Variants in CTNNA2 observed in about 807,000 individuals in gnomAD.
The protein encoded by CTNNA2 is catenin alpha 2, also known as catenin alpha-2.
CTNNA2 carries 42 observed loss-of-function variants against 101.0 expected under a neutral mutation model. The observed-to-expected ratio is 0.42, with a 90% CI of 0.32 to 0.54. The LOEUF (loss-of-function observed/expected upper bound fraction) is 0.54, where lower values mean the gene tolerates loss of function less well. Ranked by LOEUF, CTNNA2 falls within the 20% of genes least tolerant of loss-of-function variation. The probability of loss-of-function intolerance (pLI) is 0.14; values close to 1 mark genes in which losing one functional copy is unlikely to be tolerated. For synonymous variants in CTNNA2, 450 were observed against 456.4 expected (o/e 0.99, Z 0.18); for missense variants, 871 against 1,223.1 (o/e 0.71, Z 4.29).
At chr2:80,120,524 G>C (rs1010655254) in intron 7 of CTNNA2, among the ~76,000 whole-genome samples, 1 of 152,168 alleles carries the variant, frequency 6.6e-6, no homozygotes, top group South Asian at 2.1e-4. Context: ...AGTTGCATGG[G>C]GATCAGGTGG....
chr2:80,115,536 T>G (rs1449261598), intron 7 of CTNNA2, among the ~76,000 whole-genome samples: 3 of 152,144 alleles, frequency 2.0e-5, no homozygotes, highest in Non-Finnish European at 4.4e-5. Flanking sequence ...AATATCAAAA[T>G]TAATTGTGCC....
intron 3 of CTNNA2, among the ~76,000 whole-genome samples, chr2:79,784,523 TA>T (rs1352092228): frequency 6.6e-6 from 1 of 150,818 alleles, no homozygotes; most frequent in African/African-American, 2.4e-5. Flanking sequence ...ATATCAAACT[TA>T]AGAAGTTCAA....
intron 7 of CTNNA2, among the ~76,000 whole-genome samples, chr2:80,335,463 C>A (rs1489728290): frequency 6.6e-6 from 1 of 152,116 alleles, no homozygotes; most frequent in Non-Finnish European, 1.5e-5. Flanking sequence ...TGGGGTCAGA[C>A]CACAGGGCTG....
chr2:79,594,989 A>G (rs1323396347), intron 1 of CTNNA2, among the ~76,000 whole-genome samples: 1 of 151,868 alleles, frequency 6.6e-6, no homozygotes, highest in Admixed American at 6.6e-5. Context: ...GTTTCCCCCA[A>G]GGTGCACTAC....
intron 7 of CTNNA2, 55 bp downstream of exon 7, chr2:79,909,852 G>T (rs1574287897): frequency 1.3e-6 from 2 of 1,508,282 alleles, no homozygotes; most frequent in East Asian, 4.6e-5. Context: ...CTGCAATCGT[G>T]TTGCTCTTTT....
intron 3 of CTNNA2, among the ~76,000 whole-genome samples, chr2:79,758,177 A>G (rs1401924499): frequency 6.6e-6 from 1 of 152,196 alleles, no homozygotes; most frequent in Non-Finnish European, 1.5e-5. Flanking sequence ...TTAACACATA[A>G]AGATAAAGAA....
chr2:79,743,326 T>C (rs1437074121), intron 2 of CTNNA2, among the ~76,000 whole-genome samples: 1 of 152,164 alleles, frequency 6.6e-6, no homozygotes, highest in Non-Finnish European at 1.5e-5. Flanking sequence ...AAGATATTAA[T>C]AGCCTTTTTA....
intron 7 of CTNNA2, among the ~76,000 whole-genome samples, chr2:80,025,800 C>A (rs1021322759): frequency 2.6e-5 from 4 of 152,194 alleles, no homozygotes; most frequent in African/African-American, 7.2e-5. Flanking sequence ...CAAAGCAGCA[C>A]GTACTTGTCC....
At chr2:79,267,234 A>C (rs1674997870) in intron 2 of CTNNA2, among the ~76,000 whole-genome samples, 1 of 152,224 alleles carries the variant, frequency 6.6e-6, no homozygotes, top group South Asian at 2.1e-4. Context: ...AGATGCTATA[A>C]AAAAATACCA....
intron 9 of CTNNA2, among the ~76,000 whole-genome samples, chr2:80,489,075 C>T (rs1040908985): frequency 6.6e-6 from 1 of 152,126 alleles, no homozygotes; most frequent in Non-Finnish European, 1.5e-5. Context: ...TCTGTCTTTG[C>T]ATGTACCTTT....
rs571521452 is a variant in CTNNA2 at position 80,088,681 on chromosome 2, A to G, written c.1056+178884A>G. Among the ~76,000 whole-genome samples, 25 of 152,250 alleles carry G rather than the reference A, an allele frequency of 1.6e-4. No individual in the cohort carries two copies. The South Asian group carries it at 5.2e-3, about 32-fold the overall frequency. The stretch of plus-strand genomic sequence containing the variant: ...TTAAATCAAGAAGGATTATATGCAC[A>G]TAGATGCTCAATTGGTATTTGTTCA... On this transcript the variant is annotated intron_variant, in intron 7 of 18. Coordinates refer to ENST00000402739, the MANE Select transcript of CTNNA2 (RefSeq NM_001282597.3).
chr2:79,707,660 A>G (rs1162591568), intron 2 of CTNNA2, among the ~76,000 whole-genome samples: 1 of 152,070 alleles, frequency 6.6e-6, no homozygotes. Context: ...TATCTGTTTT[A>G]CTCCTTCAGC....
intron 11 of CTNNA2, among the ~76,000 whole-genome samples, chr2:80,551,076 A>G (rs1206646312): frequency 6.6e-6 from 1 of 152,236 alleles, no homozygotes; most frequent in Non-Finnish European, 1.5e-5. Context: ...AGCAAGCAGG[A>G]AAGCACTATT....
chr2:80,289,577 G>A (rs1316179298), intron 7 of CTNNA2, among the ~76,000 whole-genome samples: 1 of 152,272 alleles, frequency 6.6e-6, no homozygotes, highest in East Asian at 1.9e-4. Flanking sequence ...TGGTGATGGG[G>A]CAGGAGTGGG....
intron 17 of CTNNA2, among the ~76,000 whole-genome samples, chr2:80,615,295 A>G (rs1273828910): frequency 6.6e-6 from 1 of 151,580 alleles, no homozygotes; most frequent in Non-Finnish European, 1.5e-5. Flanking sequence ...AGTCGTTTCT[A>G]ATTTCCAATG....
chr2:79,799,064 G>A (rs1573997276), intron 3 of CTNNA2, among the ~76,000 whole-genome samples: 1 of 152,088 alleles, frequency 6.6e-6, no homozygotes, highest in African/African-American at 2.4e-5. Flanking sequence ...GCCCAGATTT[G>A]CAATCCAGGA....
chr2:79,292,051 A>G (rs1035115993), intron 2 of CTNNA2, among the ~76,000 whole-genome samples: 1 of 152,188 alleles, frequency 6.6e-6, no homozygotes, highest in African/African-American at 2.4e-5. Flanking sequence ...TGTTCAGCTC[A>G]TCTTAGAGAA....
chr2:79,730,428 C>T (rs1183092784), intron 2 of CTNNA2, among the ~76,000 whole-genome samples: 5 of 151,870 alleles, frequency 3.3e-5, no homozygotes, highest in Non-Finnish European at 5.9e-5. Context: ...TTGGAAAAAA[C>T]TGTTTTTATA....
intron 1 of CTNNA2, among the ~76,000 whole-genome samples, chr2:79,649,692 G>A (rs531415827): frequency 3.3e-5 from 5 of 152,242 alleles, no homozygotes; most frequent in South Asian, 2.1e-4. Context: ...GCAGCATGTC[G>A]GTGCCAACTA....
Sources: allele counts gnomAD v4.1 joint callset (sites outside exome capture counted in the v4.1 genomes callset), GRCh38; gene constraint gnomAD v4.1.1; transcripts MANE v1.5; gene names NCBI Gene and HGNC (gene_info 2026-07-23, HGNC 2026-07-21).